Variants in SOX5 observed in about 807,000 individuals in gnomAD.
SOX5 encodes SRY-box transcription factor 5.
SOX5 carries 9 observed loss-of-function variants against 92.0 expected under a neutral mutation model. That is an observed-to-expected ratio of 0.10 (90% CI 0.06 to 0.17). SOX5 has a LOEUF of 0.17. SOX5 is among the 10% of genes least tolerant of loss of function. The pLI is 1.00. For synonymous variants in SOX5, 344 were observed against 336.3 expected, an observed-to-expected ratio of 1.02 and a Z score of -0.25; for missense variants, 642 against 944.5, an observed-to-expected ratio of 0.68 and a Z score of 4.20.
At position 24,049,258 on chromosome 12, in the gene SOX5, T is replaced by A. The variant is rs182260407; in HGVS notation, c.-1-153234A>T. Among the ~76,000 whole-genome samples, 3 of 152,204 alleles carry A rather than the reference T, an allele frequency of 2.0e-5. No individual in the cohort carries two copies. The East Asian group carries it at 5.8e-4, about 29-fold the overall frequency. On this transcript the variant is annotated intron_variant, in intron 4 of 4. Transcript: ENST00000446891. Reference sequence around the variant, plus strand: ...GGTAGACTTCTAATAACTGAAAGGGTTGAAAAGATATCACTCCTTGGCCAA... The same window carrying A: ...GGTAGACTTCTAATAACTGAAAGGGATGAAAAGATATCACTCCTTGGCCAA...
chr12:24,305,779 T>C (rs1364325727), intron 2 of SOX5, among the ~76,000 whole-genome samples: 2 of 152,202 alleles, frequency 1.3e-5, no homozygotes, highest in South Asian at 2.1e-4. Flanking sequence ...TGTATTTTAA[T>C]AGAGATGGGG....
chr12:24,089,884 A>G (rs1944434033), intron 4 of SOX5, among the ~76,000 whole-genome samples: 1 of 152,196 alleles, frequency 6.6e-6, no homozygotes, highest in Non-Finnish European at 1.5e-5. Flanking sequence ...GGTACAATAA[A>G]GGAGCTACAA....
intron 6 of SOX5, among the ~76,000 whole-genome samples, chr12:23,703,727 GAC>G (rs61366137): frequency 5.8e-4 from 86 of 148,472 alleles, no homozygotes; most frequent in African/African-American, 6.9e-4. Flanking sequence ...TTTCTCAGGG[GAC>G]ACACACACAC....
At chr12:24,138,991 C>T (rs1950337274) in intron 4 of SOX5, among the ~76,000 whole-genome samples, 1 of 152,204 alleles carries the variant, frequency 6.6e-6, no homozygotes, top group South Asian at 2.1e-4. Flanking sequence ...CACAATATAT[C>T]TCCATCCCTG....
intron 4 of SOX5, among the ~76,000 whole-genome samples, chr12:24,161,307 A>G (rs929862201): frequency 3.3e-5 from 5 of 152,118 alleles, no homozygotes; most frequent in African/African-American, 9.7e-5. Context: ...GGCATTGTCC[A>G]GCAGTCTTAT....
chr12:24,477,899 A>T (rs947473923), intron 1 of SOX5, among the ~76,000 whole-genome samples: 1 of 152,182 alleles, frequency 6.6e-6, no homozygotes, highest in African/African-American at 2.4e-5. Flanking sequence ...AAAACAAAAA[A>T]GTTACCTTTA....
intron 1 of SOX5, among the ~76,000 whole-genome samples, chr12:24,369,537 T>C (rs2136244771): frequency 6.6e-6 from 1 of 152,338 alleles, no homozygotes; most frequent in African/African-American, 2.4e-5. Flanking sequence ...TGACATATCC[T>C]GACTCCATGG....
intron 1 of SOX5, among the ~76,000 whole-genome samples, chr12:24,430,105 A>G (rs1231838877): frequency 6.6e-6 from 1 of 152,230 alleles, no homozygotes; most frequent in Non-Finnish European, 1.5e-5. Flanking sequence ...GCACATACCA[A>G]TAGTCTATCT....
At chr12:24,200,249 C>G (rs896313376) in intron 4 of SOX5, among the ~76,000 whole-genome samples, 4 of 152,116 alleles carry the variant, frequency 2.6e-5, no homozygotes, top group Non-Finnish European at 5.9e-5. Flanking sequence ...AAAATTTAAC[C>G]TCTCTGAGCT....
rs1242921486 is a variant in SOX5, at chr12:23,704,812, A to G, written c.810+29872T>C. 4.6e-5 allele frequency among the ~76,000 whole-genome samples: 7 copies of G among 150,602 alleles called. No homozygotes were observed. The East Asian group carries it at 1.2e-3, about 25-fold the overall frequency. The stretch of plus-strand genomic sequence containing the variant: ...GAAAGTAATAGAAGACATTCATAAC[A>G]TTTATTCGTTATACACACTTGTAAA... On this transcript the variant is annotated intron_variant, in intron 6 of 14. Transcript: ENST00000451604.
intron 2 of SOX5, among the ~76,000 whole-genome samples, chr12:24,289,579 A>G (rs912890935): frequency 6.5e-5 from 9 of 139,030 alleles, no homozygotes; most frequent in East Asian, 6.3e-4. Context: ...TCAGCCTCCC[A>G]AGTAGCTGGG....
chr12:24,211,551 C>A (rs1198343834), intron 4 of SOX5, among the ~76,000 whole-genome samples: 1 of 152,100 alleles, frequency 6.6e-6, no homozygotes, highest in East Asian at 1.9e-4. Context: ...GTGTTAGTAC[C>A]AATAGCATTC....
At chr12:24,496,675 C>T (rs969797313) in intron 1 of SOX5, among the ~76,000 whole-genome samples, 11 of 152,182 alleles carry the variant, frequency 7.2e-5, no homozygotes, top group African/African-American at 2.7e-4. Context: ...ACCACACCCT[C>T]AATGGGCTCT....
chr12:23,749,245 A>G (rs2094107652), intron 4 of SOX5, among the ~76,000 whole-genome samples: 1 of 151,956 alleles, frequency 6.6e-6, no homozygotes, highest in Non-Finnish European at 1.5e-5. Flanking sequence ...CTTTACTGCA[A>G]TATAGATACC....
rs148253990 is a variant in SOX5 at position 23,571,507 on chromosome 12, G to C, written c.1342+4154C>G. Among the ~76,000 whole-genome samples, 638 of 152,208 alleles carry C rather than the reference G, an allele frequency of 4.2e-3. 5 individuals carry two copies. The highest frequency in any genetic ancestry group is 0.014 in the African/African-American group (590 of 41,542). ...CAGACTAAGCAAAACGTATGGCAAA[G>C]GAAGAGTATTTAAATCTCATTTATT... is the stretch of plus-strand genomic sequence containing the variant. On this transcript the variant is annotated intron_variant, in intron 10 of 14. Transcript: ENST00000451604.
chr12:23,798,599 CAAA>C (rs57605234), intron 3 of SOX5, among the ~76,000 whole-genome samples: 136 of 124,230 alleles, frequency 1.1e-3, no homozygotes, highest in East Asian at 1.7e-3. Context: ...GCAAAAGAAC[CAAA>C]AAAAAAAAAA....
Position 24,500,950 on chromosome 12 carries a change from T to C in SOX5, c.-251+61379A>G, listed in dbSNP as rs79733778. Among the ~76,000 whole-genome samples the C allele has an allele frequency of 3.1e-3, 467 of 152,296 alleles. 4 individuals carry two copies. The highest frequency in any genetic ancestry group is 9.7e-3 in the African/African-American group (404 of 41,580). On this transcript the variant is annotated intron_variant, in intron 1 of 4. Transcript: ENST00000446891. ...GGTCTTATAATCAATCTATAACCAA[T>C]GCACCCTCCCCTCCTCAGCAGCAAC...
intron 4 of SOX5, among the ~76,000 whole-genome samples, chr12:24,185,949 C>CA (rs1172980789): frequency 3.9e-5 from 6 of 152,084 alleles, no homozygotes; most frequent in Middle Eastern, 3.2e-3. Flanking sequence ...CTAAGACTAT[C>CA]AGAGTCCAAA....
chr12:23,613,824 TAGAGAC>T (rs753871987), intron 8 of SOX5, among the ~76,000 whole-genome samples: 3 of 152,178 alleles, frequency 2.0e-5, no homozygotes, highest in Non-Finnish European at 4.4e-5. Context: ...ATTAAATTCA[TAGAGAC>T]AGAAAGCAGA....
Sources: gnomAD v4.1 joint callset for allele counts (sites outside exome capture counted in the v4.1 genomes callset) on GRCh38, gnomAD v4.1.1 for gene constraint, MANE v1.5 for transcripts, NCBI Gene and HGNC (gene_info 2026-07-23, HGNC 2026-07-21) for gene names.